The following NIN variants were observed in gnomAD, a reference collection of about 807,000 sequenced individuals.
NIN encodes the protein ninein, also known as glycogen synthase kinase 3 beta-interacting protein.
In NIN, 137 loss-of-function variants were observed where a neutral mutation model predicts 257.6. The ratio of observed to expected loss-of-function variants is 0.53; its 90% CI spans 0.46 to 0.61. The LOEUF (loss-of-function observed/expected upper bound fraction) is 0.61. Among genes scored for constraint, NIN ranks in the 20% least tolerant of loss-of-function variants. The pLI, the probability that NIN is intolerant of heterozygous loss-of-function variation, is 0.00. For missense variants in NIN, 2,439 were observed against 2,501.2 expected (o/e 0.98, Z 0.53); for synonymous variants, 918 against 919.8 (o/e 1.00, Z 0.04).
rs531207059 is a variant in NIN at position 50,782,279 on chromosome 14, G to A, written c.436-3475C>T. Among the ~76,000 whole-genome samples, 169 of 152,062 alleles carry A rather than the reference G, an allele frequency of 1.1e-3. 1 individual carries two copies. Among genetic ancestry groups the A allele is most frequent in the African/African-American group, 4.0e-3 (166 of 41,486 alleles). On this transcript the variant is annotated intron_variant, in intron 5 of 30. Coordinates refer to ENST00000530997, the MANE Select transcript of NIN (RefSeq NM_020921.4). Reference sequence around the variant, plus strand: ...ACTTTTTGATCCAATAATTTCACTTGGTATTCAAAGACAATAAAATCAAGG... The same window carrying A: ...ACTTTTTGATCCAATAATTTCACTTAGTATTCAAAGACAATAAAATCAAGG...
At chr14:50,742,636 C>T (rs374808162) in intron 24 of NIN, among the ~76,000 whole-genome samples, 9 of 152,146 alleles carry the variant, frequency 5.9e-5, no homozygotes, top group East Asian at 5.8e-4. Context: ...CCTCGTGATC[C>T]GCCTGCCTCA....
chr14:50,768,337 G>A (rs902620050), intron 12 of NIN, among the ~76,000 whole-genome samples: 1 of 152,114 alleles, frequency 6.6e-6, no homozygotes, highest in East Asian at 1.9e-4. Flanking sequence ...CCTAAATGTA[G>A]AGCCTAGAAC....
At chr14:50,814,119 CTT>C (rs539475048) in intron 3 of NIN, among the ~76,000 whole-genome samples, 91 of 151,984 alleles carry the variant, frequency 6.0e-4, no homozygotes, top group African/African-American at 2.2e-3. Flanking sequence ...AATATTGTAA[CTT>C]AATTTACTGC....
intron 5 of NIN, among the ~76,000 whole-genome samples, chr14:50,782,330 A>G (rs1439685531): frequency 2.6e-5 from 4 of 152,252 alleles, no homozygotes; most frequent in Non-Finnish European, 5.9e-5. Flanking sequence ...ATGTGTAAAT[A>G]TGTACATGAT....
At chr14:50,827,415 G>A (rs543603143) in intron 2 of NIN, among the ~76,000 whole-genome samples, 4 of 152,168 alleles carry the variant, frequency 2.6e-5, no homozygotes, top group East Asian at 3.9e-4. Flanking sequence ...AATATAACAC[G>A]AAAGCTTAAA....
intron 20 of NIN, among the ~76,000 whole-genome samples, chr14:50,753,058 T>C (rs1489821827): frequency 6.6e-6 from 1 of 152,164 alleles, no homozygotes; most frequent in Non-Finnish European, 1.5e-5. Flanking sequence ...TTAGCAAAAT[T>C]TGGAAATTTT....
chr14:50,760,437 C>CTTTTGCT, intron 16 of NIN, 78 bp from the exon 17 acceptor site: 1 of 424,928 alleles, frequency 2.4e-6, no homozygotes, highest in Non-Finnish European at 4.0e-6. Flanking sequence ...GCAGCAATTG[C>CTTTTGCT]TTTTTTTTTT....
intron 4 of NIN, among the ~76,000 whole-genome samples, chr14:50,805,103 C>T (rs992125344): frequency 2.6e-5 from 4 of 152,172 alleles, no homozygotes; most frequent in African/African-American, 9.7e-5. Context: ...GGCAGGACCG[C>T]CTGTTCCAAA....
intron 21 of NIN, among the ~76,000 whole-genome samples, chr14:50,749,908 G>A (rs1038426003): frequency 6.6e-6 from 1 of 152,094 alleles, no homozygotes; most frequent in Non-Finnish European, 1.5e-5. Flanking sequence ...GGCCAGGCTG[G>A]TTGCAAACTC....
Position 50,777,331 on chromosome 14 carries a change from TG to T in NIN, c.476-193del, listed in dbSNP as rs1355610697. ...GTTCTAAGGCTGCAACTAGAGTAAA[TG>T]GGTACTTTTTGGCTCCCTGACAGTC... On this transcript the variant is annotated intron_variant, in intron 6 of 30. Transcript: ENST00000530997. 3.9e-5 allele frequency among the ~76,000 whole-genome samples: 6 copies of T among 152,310 alleles called. No homozygotes were observed. The East Asian group carries it at 1.2e-3, about 29-fold the overall frequency.
intron 22 of NIN, 29 bp downstream of exon 22, chr14:50,747,963 G>A: frequency 6.9e-7 from 1 of 1,454,666 alleles, no homozygotes; most frequent in Non-Finnish European, 9.7e-7. Flanking sequence ...ATTGTTCTGT[G>A]AACCCCCCTT....
intron 3 of NIN, among the ~76,000 whole-genome samples, chr14:50,808,465 C>G (rs1471249476): frequency 6.6e-6 from 1 of 152,192 alleles, no homozygotes; most frequent in East Asian, 1.9e-4. Flanking sequence ...GGCTTTATAG[C>G]TAGGTGGGTC....
chr14:50,807,931 G>A lies in NIN; in HGVS notation c.184-1113C>T, dbSNP rs569613529. On this transcript the variant is annotated intron_variant, in intron 3 of 30. Transcript: ENST00000530997. ...GTGATTTCTCTACCATGTTAGTTTT[G>A]ATTGATTGGAATTACTTACTGAAAT... is the stretch of plus-strand genomic sequence containing the variant. 2.0e-5 allele frequency among the ~76,000 whole-genome samples: 3 copies of A among 152,120 alleles called. No homozygotes were observed. In the East Asian group the frequency reaches 5.8e-4, roughly 29 times the overall value.
chr14:50,817,306 C>T (rs189757247), intron 3 of NIN, among the ~76,000 whole-genome samples: 1 of 152,094 alleles, frequency 6.6e-6, no homozygotes, highest in African/African-American at 2.4e-5. Flanking sequence ...ATAAGCACTA[C>T]AAGAAAGTAC....
chr14:50,770,648 C>A, intron 11 of NIN, 86 bp from the exon 12 acceptor site: 1 of 1,496,848 alleles, frequency 6.7e-7, no homozygotes, highest in Non-Finnish European at 9.1e-7. Flanking sequence ...CACAGAGGCA[C>A]AGAGATGAAA....
chr14:50,751,263 C>G (rs2146002), intron 21 of NIN, among the ~76,000 whole-genome samples: 79,094 of 151,956 alleles, frequency 0.52, 21,180 homozygotes, highest in African/African-American at 0.63. Context: ...CATATTGTTG[C>G]GGTGGTATCT....
At chr14:50,803,295 G>A (rs1471680837) in intron 4 of NIN, among the ~76,000 whole-genome samples, 1 of 152,220 alleles carries the variant, frequency 6.6e-6, no homozygotes, top group East Asian at 1.9e-4. Flanking sequence ...GGAGGTTGCA[G>A]TGAACTGAGA....
rs966884615 is a variant in NIN, at chr14:50,823,371, A to G, written c.-21-1294T>C. 12 of 510,622 alleles carry G rather than the reference A, an allele frequency of 2.4e-5. No individual in the cohort carries two copies. In the Admixed American group the frequency reaches 2.4e-4, roughly 10 times the overall value. The allele number at this position is 510,622 out of a possible 1,614,324, so 31.6% of individuals were successfully genotyped here. On this transcript the variant is annotated intron_variant, in intron 2 of 30. Coordinates refer to ENST00000530997, the MANE Select transcript of NIN (RefSeq NM_020921.4). Reference sequence around the variant, plus strand: ...AAGCAGCAGCTTTCACTAACCAAGCATCTTTAATCCAAGCCAAATTACAGA... The same window carrying G: ...AAGCAGCAGCTTTCACTAACCAAGCGTCTTTAATCCAAGCCAAATTACAGA...
rs2042051805 is a variant in NIN, at chr14:50,756,915, T to A, written c.4115A>T (p.Glu1372Val). The change falls in exon 18 of 31, where the codon GAG becomes GTG. Residue 1372 changes from glutamate to valine, a missense_variant. This residue lies in a region of NIN where 2,043 missense variants were observed against 2,050.2 expected (regional missense o/e 1.00). Coordinates refer to ENST00000530997, the MANE Select transcript of NIN (RefSeq NM_020921.4). ...TACACTCCTAACCCTGGGCACACAC[T>A]CTTCCAGTGTCTGATTGAGCTGGAG... ...NILQLNQTLE[E>V]CVPRVRSVHH... 1.3e-6 allele frequency: 2 copies of A among 1,563,746 alleles called. No homozygotes were observed. The highest frequency in any genetic ancestry group is 1.4e-5 in the African/African-American group (1 of 73,562).
Sources: allele counts gnomAD v4.1 joint callset (sites outside exome capture counted in the v4.1 genomes callset), GRCh38; gene constraint gnomAD v4.1.1; regional missense constraint gnomAD v4.1.1; transcripts MANE v1.5; gene names NCBI Gene and HGNC (gene_info 2026-07-23, HGNC 2026-07-21).